Variants in CLSTN2 observed in about 807,000 individuals in gnomAD.
CLSTN2 encodes calsyntenin-2.
Under a neutral mutation model 101.2 loss-of-function variants are expected in CLSTN2, and 48 were observed. The observed-to-expected ratio is 0.47, with a 90% CI of 0.38 to 0.60. The LOEUF (loss-of-function observed/expected upper bound fraction) is 0.60. Among genes scored for constraint, CLSTN2 ranks in the 20% least tolerant of loss-of-function variants. The pLI is 0.00. For missense variants in CLSTN2, 1,160 were observed against 1,238.2 expected, an observed-to-expected ratio of 0.94 and a Z score of 0.95; for synonymous variants, 481 against 463.6, an observed-to-expected ratio of 1.04 and a Z score of -0.48.
chr3:140,546,460 G>A, intron 9 of CLSTN2, 55 bp from the exon 10 acceptor site: 1 of 1,570,412 alleles, frequency 6.4e-7, no homozygotes. Context: ...GGTGCCTTGA[G>A]GTGCTGTTTC....
At chr3:140,218,785 G>T (rs1320652898) in intron 2 of CLSTN2, among the ~76,000 whole-genome samples, 1 of 152,174 alleles carries the variant, frequency 6.6e-6, no homozygotes, top group Non-Finnish European at 1.5e-5. Flanking sequence ...GACACAATTT[G>T]TTGAGGGAAA....
intron 6 of CLSTN2, among the ~76,000 whole-genome samples, chr3:140,451,422 T>G (rs910439690): frequency 6.6e-6 from 1 of 152,200 alleles, no homozygotes; most frequent in Non-Finnish European, 1.5e-5. Context: ...GTGGACTTAT[T>G]TGGAGTTGGG....
At chr3:140,197,128 T>C (rs76140595) in intron 2 of CLSTN2, among the ~76,000 whole-genome samples, 3,501 of 152,310 alleles carry the variant, frequency 0.023, 129 homozygotes, top group African/African-American at 0.078. Flanking sequence ...GCAAGCACTC[T>C]TTCTTTCCTC....
At chr3:140,193,778 A>G (rs578172062) in intron 2 of CLSTN2, among the ~76,000 whole-genome samples, 21 of 151,936 alleles carry the variant, frequency 1.4e-4, no homozygotes, top group African/African-American at 4.8e-4. Context: ...ATGAATGTTG[A>G]ATATTTTGTT....
chr3:140,251,405 G>A (rs371315595), intron 2 of CLSTN2, among the ~76,000 whole-genome samples: 5 of 152,144 alleles, frequency 3.3e-5, no homozygotes, highest in Middle Eastern at 3.2e-3. Flanking sequence ...GGTATTAAAC[G>A]CATATTTTGT....
At chr3:140,542,979 G>C (rs191716775) in intron 9 of CLSTN2, among the ~76,000 whole-genome samples, 102 of 152,246 alleles carry the variant, frequency 6.7e-4, no homozygotes, top group African/African-American at 2.4e-3. Flanking sequence ...CTTTCTACCG[G>C]TGTGGCTTTT....
chr3:140,387,299 G>C (rs1266444673), intron 2 of CLSTN2, among the ~76,000 whole-genome samples: 1 of 152,162 alleles, frequency 6.6e-6, no homozygotes, highest in Non-Finnish European at 1.5e-5. Context: ...TTTGAAGCTT[G>C]TGTAGGAGTT....
intron 2 of CLSTN2, among the ~76,000 whole-genome samples, chr3:140,190,387 C>T (rs1331730516): frequency 7.5e-6 from 1 of 132,910 alleles, no homozygotes; most frequent in East Asian, 2.2e-4. Context: ...TTTAACTATT[C>T]TATTTCCTTT....
Position 140,204,867 on chromosome 3 carries a change from C to A in CLSTN2, c.232+28794C>A, listed in dbSNP as rs541537740. 2.0e-5 allele frequency among the ~76,000 whole-genome samples: 3 copies of A among 152,268 alleles called. No homozygotes were observed. The South Asian group carries it at 6.2e-4, about 32-fold the overall frequency. ...TGTCAGGTCTGTCTGTCCCGCTGTC[C>A]CCCATTCTGGCTATATGAGGCCACT... On this transcript the variant is annotated intron_variant, in intron 2 of 16. Coordinates refer to ENST00000458420, the MANE Select transcript of CLSTN2 (RefSeq NM_022131.3).
intron 2 of CLSTN2, among the ~76,000 whole-genome samples, chr3:140,240,138 CTCTCTCTCTCTCTG>C (rs1272237747): frequency 6.3e-4 from 6 of 9,540 alleles, no homozygotes; most frequent in South Asian, 7.7e-3. Context: ...CCTGGTTTCT[CTCTCTCTCTCTCTG>C]TCTCTCTCTC....
chr3:140,568,806 G>A lies in CLSTN2; in HGVS notation c.*2553G>A, dbSNP rs1985415675. The A allele has an allele frequency of 6.6e-6, 1 of 152,092 alleles. No homozygotes were observed. The highest frequency in any genetic ancestry group is 1.5e-5 in the Non-Finnish European group (1 of 68,044). The allele number at this position is 152,092 out of a possible 1,614,324, so 9.4% of individuals were successfully genotyped here. A position where few individuals can be genotyped will look rare whatever the true frequency, so the allele number is the denominator to read the frequency against. On this transcript the variant is annotated 3_prime_UTR_variant, in exon 17 of 17. Coordinates refer to ENST00000458420, the MANE Select transcript of CLSTN2 (RefSeq NM_022131.3). ...TTATTCATAGTTGAGAGAGCTGTTA[G>A]GTAAAATCTTTATATGTGTTGGGGT... is the stretch of plus-strand genomic sequence containing the variant.
intron 2 of CLSTN2, among the ~76,000 whole-genome samples, chr3:140,384,854 G>A (rs1413468539): frequency 6.6e-6 from 1 of 152,040 alleles, no homozygotes; most frequent in African/African-American, 2.4e-5. Flanking sequence ...TCCCCTTTGG[G>A]GTTCCCCACA....
intron 1 of CLSTN2, among the ~76,000 whole-genome samples, chr3:140,143,353 G>A (rs919453428): frequency 3.3e-5 from 5 of 152,148 alleles, no homozygotes; most frequent in South Asian, 2.1e-4. Context: ...AGAACGAGGG[G>A]TCCGGGGTCT....
chr3:140,289,329 T>G (rs892281517), intron 2 of CLSTN2, among the ~76,000 whole-genome samples: 13 of 110,820 alleles, frequency 1.2e-4, no homozygotes, highest in African/African-American at 5.6e-4. Context: ...TGGTTTTGTG[T>G]TTTTTTTTGT....
At chr3:140,445,633 G>A in intron 5 of CLSTN2, among the ~76,000 whole-genome samples, 1 of 152,188 alleles carries the variant, frequency 6.6e-6, no homozygotes, top group African/African-American at 2.4e-5. Context: ...AGAAGGGATA[G>A]ATGGTCCAGC....
Position 140,171,806 on chromosome 3 carries a change from T to A in CLSTN2, c.110-4145T>A, listed in dbSNP as rs535268752. Among the ~76,000 whole-genome samples, 3 of 91,498 alleles carry A rather than the reference T, an allele frequency of 3.3e-5. No homozygotes were observed. The South Asian group carries it at 7.4e-4, about 23-fold the overall frequency. The allele number at this position is 91,498 out of a possible 152,430, so 60.0% of individuals were successfully genotyped here. ...TATAATATATAATATATAATATGTA[T>A]TATATATTATATATTATATATAATA... On this transcript the variant is annotated intron_variant, in intron 1 of 16. Transcript: ENST00000458420.
chr3:140,226,652 C>G (rs1165837186), intron 2 of CLSTN2, among the ~76,000 whole-genome samples: 1 of 151,890 alleles, frequency 6.6e-6, no homozygotes, highest in Non-Finnish European at 1.5e-5. Flanking sequence ...TGGAACAGGA[C>G]CTAAACTATG....
chr3:140,225,029 C>T (rs1189684053), intron 2 of CLSTN2, among the ~76,000 whole-genome samples: 2 of 152,220 alleles, frequency 1.3e-5, no homozygotes, highest in African/African-American at 4.8e-5. Flanking sequence ...CATGTCTATG[C>T]TGGGCCCATC....
chr3:140,448,753 T>G lies in CLSTN2; in HGVS notation c.973+49T>G, dbSNP rs1371586840. ...TTAAAAATCAATTGCTTTTAAATGATGTATACCAAAAAAGCATATCTTATT... is the reference window on the plus strand; with the variant it reads ...TTAAAAATCAATTGCTTTTAAATGAGGTATACCAAAAAAGCATATCTTATT... On this transcript the variant is annotated intron_variant, in intron 6 of 16. Transcript: ENST00000458420. 2.7e-6 allele frequency: 4 copies of G among 1,490,126 alleles called. No homozygotes were observed. In the Admixed American group the frequency reaches 6.9e-5, roughly 26 times the overall value. 92.3% of individuals were successfully genotyped at this position (1,490,126 alleles called of 1,614,324 possible).
Sources: allele counts gnomAD v4.1 joint callset (sites outside exome capture counted in the v4.1 genomes callset), GRCh38; gene constraint gnomAD v4.1.1; transcripts MANE v1.5; gene names NCBI Gene and HGNC (gene_info 2026-07-23, HGNC 2026-07-21).